PARP8: variants seen among roughly 807,000 people sequenced by gnomAD.
PARP8 encodes poly(ADP-ribose) polymerase family member 8, also known as protein mono-ADP-ribosyltransferase PARP8.
In PARP8, 51 loss-of-function variants were observed where a neutral mutation model predicts 124.1. That is an observed-to-expected ratio of 0.41 (90% confidence interval 0.33 to 0.52). The LOEUF (loss-of-function observed/expected upper bound fraction) is 0.52, where lower values mean the gene tolerates loss of function less well. Among genes scored for constraint, PARP8 ranks in the 20% least tolerant of loss-of-function variants. PARP8 has a pLI of 0.21. For synonymous variants in PARP8, 391 were observed against 361.5 expected, an observed-to-expected ratio of 1.08 and a Z score of -0.93; for missense variants, 860 against 1,018.9, an observed-to-expected ratio of 0.84 and a Z score of 2.12.
At chr5:50,833,429 A>G (rs2149720821) in intron 23 of PARP8, 1 of 454,594 alleles carries the variant, frequency 2.2e-6, no homozygotes, top group East Asian at 7.0e-5. Flanking sequence ...GAAAACAAGT[A>G]TATTCTGGGA....
chr5:50,672,166 T>A (rs1386585065), intron 2 of PARP8, among the ~76,000 whole-genome samples: 1 of 152,214 alleles, frequency 6.6e-6, no homozygotes, highest in Non-Finnish European at 1.5e-5. Context: ...CCAGATTCTC[T>A]GAGAAGCCTT....
intron 14 of PARP8, among the ~76,000 whole-genome samples, chr5:50,804,088 G>A (rs920647929): frequency 6.6e-6 from 1 of 152,118 alleles, no homozygotes; most frequent in African/African-American, 2.4e-5. Flanking sequence ...AGAAATATAT[G>A]TGAGTTTTTC....
chr5:50,710,815 C>T (rs1018346988), intron 2 of PARP8, among the ~76,000 whole-genome samples: 4 of 152,092 alleles, frequency 2.6e-5, no homozygotes, highest in African/African-American at 9.7e-5. Flanking sequence ...GTGTCTGCAA[C>T]CTACATATGT....
chr5:50,715,507 G>C (rs573615224), intron 2 of PARP8, among the ~76,000 whole-genome samples: 1 of 151,498 alleles, frequency 6.6e-6, no homozygotes, highest in Non-Finnish European at 1.5e-5. Flanking sequence ...TATTCATGAG[G>C]ATCTAGTATA....
At position 50,820,711 on chromosome 5, in the gene PARP8, C is replaced by A. The variant is rs145585872; in HGVS notation, c.1669-502C>A. Among the ~76,000 whole-genome samples, 491 of 152,356 alleles carry A rather than the reference C, an allele frequency of 3.2e-3. 1 individual carries two copies. Among genetic ancestry groups the A allele is most frequent in the Non-Finnish European group, 5.2e-3 (351 of 68,034 alleles). Reference sequence around the variant, plus strand: ...CGCCAGATGGTCGCATGTCTCCTTCCTGACCCCGTACAGGTCTCTGTTGAG... The same window carrying A: ...CGCCAGATGGTCGCATGTCTCCTTCATGACCCCGTACAGGTCTCTGTTGAG... On this transcript the variant is annotated intron_variant, in intron 15 of 25. Transcript: ENST00000281631.
intron 2 of PARP8, among the ~76,000 whole-genome samples, chr5:50,679,941 C>T (rs2149444194): frequency 6.6e-6 from 1 of 152,232 alleles, no homozygotes; most frequent in Admixed American, 6.5e-5. Context: ...AAATTACGGT[C>T]AAATTGTCCT....
intron 2 of PARP8, among the ~76,000 whole-genome samples, chr5:50,702,784 A>G (rs1227207982): frequency 3.3e-5 from 5 of 152,196 alleles, no homozygotes; most frequent in Non-Finnish European, 2.9e-5. Flanking sequence ...ACTTAGTGCA[A>G]AAACAACCAT....
At position 50,765,136 on chromosome 5, in the gene PARP8, C is replaced by G. The variant is rs1040986082; in HGVS notation, c.518+1894C>G. Among the ~76,000 whole-genome samples, 14 of 151,670 alleles carry G rather than the reference C, an allele frequency of 9.2e-5. 1 individual carries two copies. Among genetic ancestry groups the G allele is most frequent in the African/African-American group, 3.4e-4 (14 of 41,274 alleles). On this transcript the variant is annotated intron_variant, in intron 7 of 25. Coordinates refer to ENST00000281631, the MANE Select transcript of PARP8 (RefSeq NM_024615.4). The stretch of plus-strand genomic sequence containing the variant: ...ATTAGCCGGGCATGGTGACAGGTGC[C>G]GGTAAACCCAGCTACTCGAGAAGGC...
chr5:50,759,185 C>CT (rs1256603046), intron 3 of PARP8, among the ~76,000 whole-genome samples: 1 of 152,114 alleles, frequency 6.6e-6, no homozygotes, highest in Non-Finnish European at 1.5e-5. Flanking sequence ...TCCCAAAGAG[C>CT]TAGGACTACA....
intron 12 of PARP8, among the ~76,000 whole-genome samples, chr5:50,796,449 G>A (rs1742568212): frequency 6.6e-6 from 1 of 152,136 alleles, no homozygotes; most frequent in Admixed American, 6.5e-5. Flanking sequence ...AAATAATGTA[G>A]AACAACTGCA....
At position 50,795,222 on chromosome 5, in the gene PARP8, C is replaced by T. The variant is rs1234332952; in HGVS notation, c.1233C>T (p.Tyr411=). 1.2e-6 allele frequency: 2 copies of T among 1,614,182 alleles called. No homozygotes were observed. The highest frequency in any genetic ancestry group is 1.7e-5 in the Admixed American group (1 of 60,030). Residue 411 remains tyrosine, a synonymous_variant, in exon 12 of 26, where the codon TAC becomes TAT. Coordinates refer to ENST00000281631, the MANE Select transcript of PARP8 (RefSeq NM_024615.4). Reference sequence around the variant, plus strand: ...CCCATAAACTGTTAAGCAGGTCTTACTCTAGTAATCTCAGAATGGAAGAAT... The same window carrying T: ...CCCATAAACTGTTAAGCAGGTCTTATTCTAGTAATCTCAGAATGGAAGAAT... The part of the protein sequence containing the change: ...LKPHKLLSRS[Y]SSNLRMEELY...
intron 2 of PARP8, among the ~76,000 whole-genome samples, chr5:50,681,318 T>TTTTTTGGCCCTAAAA (rs1348671836): frequency 7.2e-5 from 11 of 152,042 alleles, no homozygotes; most frequent in Non-Finnish European, 1.6e-4. Flanking sequence ...GTTTTTTGGA[T>TTTTTTGGCCCTAAAA]TTTTTGGCCC....
intron 2 of PARP8, among the ~76,000 whole-genome samples, chr5:50,742,948 T>C (rs964873551): frequency 6.6e-6 from 1 of 152,016 alleles, no homozygotes; most frequent in Non-Finnish European, 1.5e-5. Context: ...AAAATGAAGC[T>C]CAGAGGGACT....
In PARP8 at chr5:50,759,755, T is replaced by C. The variant is rs372617404; in HGVS notation, c.274+23T>C. On this transcript the variant is annotated intron_variant, in intron 4 of 25. Transcript: ENST00000281631. The stretch of plus-strand genomic sequence containing the variant: ...CAGGTAATAGTAGTATTATTTTTTA[T>C]ACTAGGTTAATTTTTTAAATTGCAT... 24 of 1,541,000 alleles carry C rather than the reference T, an allele frequency of 1.6e-5. No individual in the cohort carries two copies. The African/African-American group carries it at 3.1e-4, about 20-fold the overall frequency.
chr5:50,767,982 C>T (rs1164578959), intron 7 of PARP8, among the ~76,000 whole-genome samples: 1 of 151,890 alleles, frequency 6.6e-6, no homozygotes, highest in Non-Finnish European at 1.5e-5. Flanking sequence ...GGTAGAGTTG[C>T]ATGCATGCAC....
At chr5:50,816,161 G>T (rs553136046) in intron 15 of PARP8, among the ~76,000 whole-genome samples, 104 of 152,118 alleles carry the variant, frequency 6.8e-4, no homozygotes, top group Non-Finnish European at 1.2e-3. Flanking sequence ...TATTGGCAAA[G>T]AATAGTATGG....
At chr5:50,778,269 C>A in intron 8 of PARP8, 140 bp downstream of exon 8, 1 of 691,110 alleles carries the variant, frequency 1.4e-6, no homozygotes, top group Non-Finnish European at 2.4e-6. Context: ...TGAAGAATTG[C>A]TGTGACTTGT....
chr5:50,702,809 C>G (rs1362951728), intron 2 of PARP8, among the ~76,000 whole-genome samples: 1 of 152,120 alleles, frequency 6.6e-6, no homozygotes, highest in Admixed American at 6.5e-5. Context: ...TAAACACGTC[C>G]GTTACACAGA....
intron 7 of PARP8, among the ~76,000 whole-genome samples, chr5:50,768,130 A>G (rs1425852946): frequency 1.3e-5 from 2 of 152,292 alleles, no homozygotes; most frequent in East Asian, 3.9e-4. Flanking sequence ...ATTATAAAAC[A>G]TCATAACAGT....
Sources: gnomAD v4.1 joint callset for allele counts (sites outside exome capture counted in the v4.1 genomes callset) on GRCh38, gnomAD v4.1.1 for gene constraint, MANE v1.5 for transcripts, NCBI Gene and HGNC (gene_info 2026-07-23, HGNC 2026-07-21) for gene names.